CHSY3: variants seen among roughly 807,000 people sequenced by gnomAD.
CHSY3 encodes the protein N-acetylgalactosaminyl-proteoglycan 3-beta-glucuronosyltransferase 3.
A neutral mutation model predicts 67.2 loss-of-function variants in CHSY3; 35 were observed. The observed-to-expected ratio is 0.52, with a 90% CI of 0.40 to 0.69. The LOEUF is 0.69. CHSY3 is among the 30% of genes least tolerant of loss of function. CHSY3 has a pLI of 0.00. For synonymous variants in CHSY3, 474 were observed against 434.7 expected, an observed-to-expected ratio of 1.09 and a Z score of -1.12; for missense variants, 1,069 against 1,138.5, an observed-to-expected ratio of 0.94 and a Z score of 0.88.
At chr5:130,070,724 C>G (rs1580704133) in intron 2 of CHSY3, among the ~76,000 whole-genome samples, 1 of 152,008 alleles carries the variant, frequency 6.6e-6, no homozygotes, top group Non-Finnish European at 1.5e-5. Context: ...ACTTTTACTA[C>G]TTTGATAAAA....
intron 2 of CHSY3, among the ~76,000 whole-genome samples, chr5:129,911,388 C>G (rs1024928470): frequency 2.6e-5 from 4 of 152,116 alleles, no homozygotes; most frequent in African/African-American, 4.8e-5. Flanking sequence ...GTTTAATTGT[C>G]TTTTGCAAGT....
intron 2 of CHSY3, among the ~76,000 whole-genome samples, chr5:130,026,837 T>A (rs1474502827): frequency 2.6e-5 from 4 of 152,144 alleles, no homozygotes; most frequent in Admixed American, 1.3e-4. Flanking sequence ...ACCACATTTT[T>A]AAAAATACTG....
chr5:129,938,671 G>T (rs1374275863), intron 2 of CHSY3, among the ~76,000 whole-genome samples: 4 of 152,200 alleles, frequency 2.6e-5, no homozygotes, highest in Non-Finnish European at 5.9e-5. Context: ...AATGTCACCA[G>T]TCTCTTTGCT....
chr5:130,090,675 C>T (rs1766848570), intron 2 of CHSY3, among the ~76,000 whole-genome samples: 1 of 152,164 alleles, frequency 6.6e-6, no homozygotes, highest in South Asian at 2.1e-4. Context: ...CATTTTTCTC[C>T]TCATTGGTTA....
chr5:129,993,323 A>G (rs1006030138), intron 2 of CHSY3, among the ~76,000 whole-genome samples: 12 of 152,112 alleles, frequency 7.9e-5, no homozygotes, highest in Non-Finnish European at 1.6e-4. Flanking sequence ...AAAGTCTCCC[A>G]CTATTATTGT....
chr5:130,017,597 T>TA (rs1266331429), intron 2 of CHSY3, among the ~76,000 whole-genome samples: 1 of 152,144 alleles, frequency 6.6e-6, no homozygotes, highest in Admixed American at 6.5e-5. Flanking sequence ...GACAGGCTTT[T>TA]AAAAAAATCT....
At chr5:130,159,570 AC>A (rs1318752421) in intron 2 of CHSY3, among the ~76,000 whole-genome samples, 1 of 152,138 alleles carries the variant, frequency 6.6e-6, no homozygotes, top group East Asian at 1.9e-4. Flanking sequence ...GCCTCTTCTT[AC>A]TGCTTTTTTT....
intron 2 of CHSY3, among the ~76,000 whole-genome samples, chr5:130,105,444 A>G (rs987591719): frequency 1.9e-4 from 29 of 151,676 alleles, no homozygotes; most frequent in Non-Finnish European, 3.7e-4. Context: ...ATCCAACTAT[A>G]TAAAAAGATG....
intron 2 of CHSY3, among the ~76,000 whole-genome samples, chr5:130,162,122 C>T (rs939049363): frequency 1.3e-5 from 2 of 150,266 alleles, no homozygotes; most frequent in African/African-American, 4.9e-5. Context: ...ATTATTTGGT[C>T]AATTAATTTT....
At chr5:130,017,422 A>C (rs1174401683) in intron 2 of CHSY3, among the ~76,000 whole-genome samples, 1 of 151,804 alleles carries the variant, frequency 6.6e-6, no homozygotes, top group East Asian at 2.0e-4. Flanking sequence ...GGTTTTTAAC[A>C]GTTTGCAAGC....
intron 2 of CHSY3, among the ~76,000 whole-genome samples, chr5:129,978,971 G>C (rs1339795692): frequency 6.6e-6 from 1 of 151,722 alleles, no homozygotes; most frequent in Admixed American, 6.6e-5. Flanking sequence ...GGCCGAGGCG[G>C]GCAGATCAGG....
At chr5:129,940,191 C>A (rs908440762) in intron 2 of CHSY3, among the ~76,000 whole-genome samples, 9 of 151,892 alleles carry the variant, frequency 5.9e-5, no homozygotes, top group Admixed American at 2.0e-4. Flanking sequence ...GAAATTTAAA[C>A]CTATTATCTA....
chr5:129,969,261 G>A (rs886794664), intron 2 of CHSY3, among the ~76,000 whole-genome samples: 1 of 151,704 alleles, frequency 6.6e-6, no homozygotes, highest in Non-Finnish European at 1.5e-5. Context: ...AAATAAGTTG[G>A]TATAAGATTG....
At chr5:130,085,909 G>A (rs192434900) in intron 2 of CHSY3, among the ~76,000 whole-genome samples, 1 of 152,104 alleles carries the variant, frequency 6.6e-6, no homozygotes, top group Admixed American at 6.6e-5. Context: ...TTTCCATGTA[G>A]TTGAGCGGTT....
intron 2 of CHSY3, among the ~76,000 whole-genome samples, chr5:129,939,305 A>C (rs1270135675): frequency 6.6e-6 from 1 of 152,138 alleles, no homozygotes; most frequent in Non-Finnish European, 1.5e-5. Flanking sequence ...GCAGTTCAAC[A>C]TGAGATTTGG....
At chr5:130,124,062 A>G (rs972489903) in intron 2 of CHSY3, among the ~76,000 whole-genome samples, 1 of 150,826 alleles carries the variant, frequency 6.6e-6, no homozygotes, top group African/African-American at 2.4e-5. Flanking sequence ...AAAAAAAAAA[A>G]AAGAAGTAAA....
chr5:130,064,536 G>A (rs1157110248), intron 2 of CHSY3, among the ~76,000 whole-genome samples: 1 of 152,186 alleles, frequency 6.6e-6, no homozygotes, highest in Non-Finnish European at 1.5e-5. Flanking sequence ...TATGGCGCAT[G>A]TTAAGAATTT....
intron 2 of CHSY3, among the ~76,000 whole-genome samples, chr5:130,064,271 G>A (rs1369817563): frequency 6.6e-6 from 1 of 152,048 alleles, no homozygotes; most frequent in South Asian, 2.1e-4. Context: ...TGCACCAGAT[G>A]TTTTGCACAT....
At chr5:130,137,627 G>A (rs1426813410) in intron 2 of CHSY3, among the ~76,000 whole-genome samples, 1 of 151,960 alleles carries the variant, frequency 6.6e-6, no homozygotes, top group Admixed American at 6.6e-5. Flanking sequence ...ATGTATCTAG[G>A]TCAACTATTT....
Sources: allele counts gnomAD v4.1 joint callset (sites outside exome capture counted in the v4.1 genomes callset), GRCh38; gene constraint gnomAD v4.1.1; transcripts MANE v1.5; gene names NCBI Gene and HGNC (gene_info 2026-07-23, HGNC 2026-07-21).